Variants in SCMH1 observed in about 807,000 individuals in gnomAD.
SCMH1 encodes polycomb protein SCMH1.
In SCMH1, 37 loss-of-function variants were observed where a neutral mutation model predicts 70.8. That is an observed-to-expected ratio of 0.52 (90% CI 0.40 to 0.69). The LOEUF (loss-of-function observed/expected upper bound fraction) is 0.69. Ranked by LOEUF, SCMH1 falls within the 30% of genes least tolerant of loss-of-function variation. The pLI is 0.00. For synonymous variants in SCMH1, 292 were observed against 307.4 expected (o/e 0.95, Z 0.52); for missense variants, 607 against 827.3 (o/e 0.73, Z 3.27).
chr1:41,113,470 C>T lies in SCMH1; in HGVS notation c.558G>A (p.Val186=). 1.9e-6 allele frequency: 3 copies of T among 1,613,944 alleles called. No individual in the cohort carries two copies. The highest frequency in any genetic ancestry group is 2.5e-6 in the Non-Finnish European group (3 of 1,179,946). Residue 186 remains valine (V), a synonymous_variant, in exon 8 of 15, where the codon GTG becomes GTA. Transcript: ENST00000337495. This position sits in a 1 kb window ranked among gnomAD's most constrained non-coding sequence, Gnocchi z 4.3. ...AAATGAAATGAGGGTTCTTCCTGTC[C>T]ACAGCTTCTAGCTTCATTCCCATTT...
chr1:41,135,292 T>C (rs2148130374), intron 6 of SCMH1, among the ~76,000 whole-genome samples: 1 of 152,284 alleles, frequency 6.6e-6, no homozygotes, highest in East Asian at 1.9e-4. Flanking sequence ...TTACATGCTT[T>C]AGCTGTGTCC....
chr1:41,238,042 A>T (rs554180088), intron 1 of SCMH1, among the ~76,000 whole-genome samples: 15 of 152,316 alleles, frequency 9.8e-5, no homozygotes, highest in African/African-American at 3.6e-4. Flanking sequence ...TGAAGTATAA[A>T]TTTTTTACAG....
intron 13 of SCMH1, 105 bp downstream of exon 14, chr1:41,033,878 A>G (rs1296765633): frequency 1.3e-6 from 2 of 1,541,674 alleles, no homozygotes; most frequent in African/African-American, 1.4e-5. Context: ...TTAGGGAACA[A>G]CAGTACCATC....
chr1:41,189,142 T>G (rs890591539), intron 1 of SCMH1, among the ~76,000 whole-genome samples: 3 of 152,146 alleles, frequency 2.0e-5, no homozygotes, highest in African/African-American at 4.8e-5. Context: ...ACAAGTTTTT[T>G]TTGTTGTTGT....
At chr1:41,108,798 C>T (rs548468288) in intron 8 of SCMH1, among the ~76,000 whole-genome samples, 2 of 152,244 alleles carry the variant, frequency 1.3e-5, no homozygotes, top group South Asian at 4.1e-4. Flanking sequence ...GCTACCTATT[C>T]CCAAGATCAT....
chr1:41,240,793 G>A (rs994651446), intron 1 of SCMH1, among the ~76,000 whole-genome samples: 1 of 151,066 alleles, frequency 6.6e-6, no homozygotes, highest in African/African-American at 2.4e-5. Flanking sequence ...AAATGAGGAA[G>A]GGAATCTAGA....
chr1:41,169,400 C>T (rs1256691303), intron 2 of SCMH1, among the ~76,000 whole-genome samples: 2 of 151,996 alleles, frequency 1.3e-5, no homozygotes, highest in Non-Finnish European at 2.9e-5. Context: ...CTACATGTTC[C>T]TACTTCCTTT....
chr1:41,195,184 T>C (rs1572978127), intron 1 of SCMH1, among the ~76,000 whole-genome samples: 1 of 145,812 alleles, frequency 6.9e-6, no homozygotes, highest in Non-Finnish European at 1.5e-5. Context: ...TATTTGCAGC[T>C]TACCAGGCCG....
At position 41,176,877 on chromosome 1, in the gene SCMH1, G is replaced by A. The variant is rs191440710; in HGVS notation, c.13+9244C>T. 3.0e-3 allele frequency among the ~76,000 whole-genome samples: 453 copies of A among 152,270 alleles called. 2 individuals are homozygous for A. The highest frequency in any genetic ancestry group is 9.7e-3 in the African/African-American group (401 of 41,554). On this transcript the variant is annotated intron_variant, in intron 2 of 14. Coordinates refer to ENST00000337495, the Ensembl canonical transcript of SCMH1. The stretch of plus-strand genomic sequence containing the variant: ...GAATCCTCTGCAGACTTAAATGTCC[G>A]TCTGACAGCTTTGAAGAGAGTAGTG...
At chr1:41,078,006 G>A (rs1358903948) in intron 8 of SCMH1, among the ~76,000 whole-genome samples, 1 of 151,960 alleles carries the variant, frequency 6.6e-6, no homozygotes, top group East Asian at 1.9e-4. Flanking sequence ...ATGTTAAAAT[G>A]TAAAAAAGAT....
intron 6 of SCMH1, among the ~76,000 whole-genome samples, chr1:41,140,535 C>T (rs544100595): frequency 6.6e-6 from 1 of 152,232 alleles, no homozygotes; most frequent in East Asian, 1.9e-4. Flanking sequence ...TTGCGATCTG[C>T]CCGCCTCGGC....
At chr1:41,238,446 C>T (rs1194409454) in intron 1 of SCMH1, among the ~76,000 whole-genome samples, 2 of 152,166 alleles carry the variant, frequency 1.3e-5, no homozygotes, top group Non-Finnish European at 2.9e-5. Flanking sequence ...ATTACCTTCT[C>T]ACTCTTGTGT....
intron 2 of SCMH1, among the ~76,000 whole-genome samples, chr1:41,166,330 T>C (rs1387790297): frequency 6.6e-6 from 1 of 152,126 alleles, no homozygotes; most frequent in Non-Finnish European, 1.5e-5. Context: ...TGGGATCCTT[T>C]GTGTCTCCCC....
intron 13 of SCMH1, among the ~76,000 whole-genome samples, chr1:41,035,501 T>C (rs1180640525): frequency 6.6e-6 from 1 of 152,198 alleles, no homozygotes; most frequent in African/African-American, 2.4e-5. Context: ...TCTTTAAGAC[T>C]AGTCCAGTCT....
intron 11 of SCMH1, 65 bp from the exon 12 acceptor site, chr1:41,046,663 C>T: frequency 6.3e-6 from 8 of 1,269,596 alleles, no homozygotes; most frequent in Admixed American, 3.4e-5. Flanking sequence ...CTAGGCAGGA[C>T]GAGTCCAGCC....
intron 10 of SCMH1, among the ~76,000 whole-genome samples, chr1:41,055,480 G>C (rs1649909952): frequency 6.6e-6 from 1 of 152,170 alleles, no homozygotes; most frequent in Non-Finnish European, 1.5e-5. Context: ...CTCCTGAGTA[G>C]CTGGGACTAC....
At chr1:41,220,204 C>A (rs773673309) in intron 1 of SCMH1, among the ~76,000 whole-genome samples, 1 of 152,184 alleles carries the variant, frequency 6.6e-6, no homozygotes, top group Non-Finnish European at 1.5e-5. Context: ...AATCCCCAGT[C>A]GGAGGACCCA....
intron 10 of SCMH1, among the ~76,000 whole-genome samples, chr1:41,063,857 C>A (rs1454158507): frequency 6.6e-6 from 1 of 152,160 alleles, no homozygotes; most frequent in Non-Finnish European, 1.5e-5. Flanking sequence ...AAGTACCAGG[C>A]TTAGATAGGT....
intron 13 of SCMH1, among the ~76,000 whole-genome samples, chr1:41,035,830 C>T (rs1231921597): frequency 2.7e-5 from 4 of 150,544 alleles, no homozygotes; most frequent in Non-Finnish European, 4.5e-5. Context: ...GCACAATCTG[C>T]CTTCACCCCT....
Sources: allele counts gnomAD v4.1 joint callset (sites outside exome capture counted in the v4.1 genomes callset), GRCh38; gene constraint gnomAD v4.1.1; non-coding constraint Gnocchi (gnomAD v3.1); transcripts MANE v1.5; gene names NCBI Gene and HGNC (gene_info 2026-07-23, HGNC 2026-07-21).